Variants in BCAR3 observed in about 807,000 individuals in gnomAD.
BCAR3 encodes the protein breast cancer anti-estrogen resistance protein 3.
Under a neutral mutation model 80.1 loss-of-function variants are expected in BCAR3, and 37 were observed. The observed-to-expected ratio is 0.46, with a 90% CI of 0.36 to 0.61. The LOEUF (loss-of-function observed/expected upper bound fraction) is 0.61, where lower values mean the gene tolerates loss of function less well. Among genes scored for constraint, BCAR3 ranks in the 20% least tolerant of loss-of-function variants. The pLI, the probability that BCAR3 is intolerant of heterozygous loss-of-function variation, is 0.00. For missense variants in BCAR3, 978 were observed against 1,068.2 expected (o/e 0.92, Z 1.18); for synonymous variants, 389 against 418.9 (o/e 0.93, Z 0.87).
intron 2 of BCAR3, among the ~76,000 whole-genome samples, chr1:93,762,519 T>C (rs1368073656): frequency 6.6e-6 from 1 of 152,196 alleles, no homozygotes; most frequent in Non-Finnish European, 1.5e-5. Context: ...CATGTGCTGA[T>C]GGCCACACCT....
chr1:93,742,627 C>G (rs1205404222), intron 2 of BCAR3, among the ~76,000 whole-genome samples: 4 of 152,190 alleles, frequency 2.6e-5, no homozygotes, highest in Non-Finnish European at 5.9e-5. Context: ...CAGATTTCAT[C>G]CTTGTCATCT....
In BCAR3 at chr1:93,809,654, A is replaced by G. The variant is rs183673085; in HGVS notation, c.-63+35913T>C. Reference sequence around the variant, plus strand: ...GTGGCTGTGGGTGCCTGTAATCCCAACCACTCGGGAGGCTGAGGCAGGAGA... The same window carrying G: ...GTGGCTGTGGGTGCCTGTAATCCCAGCCACTCGGGAGGCTGAGGCAGGAGA... On this transcript the variant is annotated intron_variant, in intron 2 of 13. Coordinates refer to the BCAR3 transcript ENST00000370244. Among the ~76,000 whole-genome samples the G allele has an allele frequency of 2.6e-3, 389 of 151,694 alleles. 1 individual carries two copies. Among genetic ancestry groups the G allele is most frequent in the African/African-American group, 8.9e-3 (366 of 41,338 alleles).
intron 3 of BCAR3, among the ~76,000 whole-genome samples, chr1:93,629,372 T>A (rs1675539459): frequency 6.6e-6 from 1 of 152,242 alleles, no homozygotes; most frequent in Non-Finnish European, 1.5e-5. Flanking sequence ...AACTTCTTGG[T>A]TACCGGAGGT....
At chr1:93,672,138 C>A (rs903725179) in intron 2 of BCAR3, among the ~76,000 whole-genome samples, 3 of 152,170 alleles carry the variant, frequency 2.0e-5, no homozygotes, top group Non-Finnish European at 4.4e-5. Flanking sequence ...TCTTCCACAG[C>A]CTGGACTTCA....
chr1:93,782,882 G>C (rs1652811804), intron 2 of BCAR3, among the ~76,000 whole-genome samples: 1 of 152,192 alleles, frequency 6.6e-6, no homozygotes, highest in Non-Finnish European at 1.5e-5. Flanking sequence ...ATAAGCCACA[G>C]ACTGGGAGGA....
chr1:93,788,907 AAGTT>A (rs913739771), intron 2 of BCAR3, among the ~76,000 whole-genome samples: 2 of 152,180 alleles, frequency 1.3e-5, no homozygotes, highest in African/African-American at 2.4e-5. Context: ...CTTAGGCTAA[AAGTT>A]AGAGAATGTG....
At chr1:93,675,369 A>G (rs1339097370) in intron 1 of BCAR3, among the ~76,000 whole-genome samples, 2 of 152,270 alleles carry the variant, frequency 1.3e-5, no homozygotes, top group Admixed American at 6.5e-5. Flanking sequence ...GAAATTCTTT[A>G]GCTGCTAGAA....
Position 93,586,150 on chromosome 1 carries a change from A to G in BCAR3, c.930-2029T>C, listed in dbSNP as rs1165179026. Among the ~76,000 whole-genome samples the G allele has an allele frequency of 6.6e-6, 1 of 151,982 alleles. No individual in the cohort carries two copies. The highest frequency in any genetic ancestry group is 1.5e-5 in the Non-Finnish European group (1 of 67,986). On this transcript the variant is annotated intron_variant, in intron 5 of 11. Transcript: ENST00000260502. This position sits in a 1 kb window ranked among gnomAD's most constrained non-coding sequence, Gnocchi z 4.2. ...CAAATAAGTCTTATTCATTCTTTCT[A>G]AATTTTTTGTACCCATTAACCATCC...
chr1:93,625,012 C>T (rs938204648), intron 3 of BCAR3, among the ~76,000 whole-genome samples: 1 of 152,162 alleles, frequency 6.6e-6, no homozygotes, highest in African/African-American at 2.4e-5. Flanking sequence ...AGATCAAGAC[C>T]ATCCTCACTA....
chr1:93,816,031 A>G (rs900201029), intron 2 of BCAR3, among the ~76,000 whole-genome samples: 2 of 152,220 alleles, frequency 1.3e-5, no homozygotes, highest in African/African-American at 4.8e-5. Context: ...TGAAAGAACA[A>G]GAGGTACGTA....
chr1:93,828,927 A>T (rs1181708930), intron 2 of BCAR3, among the ~76,000 whole-genome samples: 1 of 152,124 alleles, frequency 6.6e-6, no homozygotes, highest in African/African-American at 2.4e-5. Flanking sequence ...CCTGGGCTCA[A>T]GTGATCCATC....
At chr1:93,696,905 G>A (rs1026841402) in intron 3 of BCAR3, among the ~76,000 whole-genome samples, 20 of 152,218 alleles carry the variant, frequency 1.3e-4, no homozygotes, top group Admixed American at 5.9e-4. Context: ...GGTAAATCCA[G>A]CTATTAGCTG....
intron 3 of BCAR3, among the ~76,000 whole-genome samples, chr1:93,619,889 C>G (rs1207931282): frequency 6.6e-6 from 1 of 152,258 alleles, no homozygotes; most frequent in Non-Finnish European, 1.5e-5. Flanking sequence ...GGGTTCTGGT[C>G]TTCACCACTA....
At chr1:93,637,260 C>A (rs1675815449) in intron 3 of BCAR3, among the ~76,000 whole-genome samples, 1 of 152,048 alleles carries the variant, frequency 6.6e-6, no homozygotes, top group South Asian at 2.1e-4. Context: ...ACCTCCGCCC[C>A]CCAGGTTCAA....
chr1:93,696,054 T>C lies in BCAR3; in HGVS notation c.-12+10038A>G, dbSNP rs558491615. ...CTACTGCTTCTCTCTTTTTTTTTTT[T>C]TCTTGAGACAGGATCTTGCTTTGTC... On this transcript the variant is annotated intron_variant, in intron 3 of 13. Transcript: ENST00000370244. Among the ~76,000 whole-genome samples, 4 of 152,102 alleles carry C rather than the reference T, an allele frequency of 2.6e-5. No homozygotes were observed. The East Asian group carries it at 5.8e-4, about 22-fold the overall frequency.
chr1:93,619,160 A>G (rs1253528928), intron 3 of BCAR3, among the ~76,000 whole-genome samples: 2 of 142,604 alleles, frequency 1.4e-5, no homozygotes, highest in Non-Finnish European at 3.0e-5. Context: ...GTTGGCCAGG[A>G]TGGGCTCGAT....
chr1:93,665,679 G>A (rs1032066242), intron 2 of BCAR3, among the ~76,000 whole-genome samples: 53 of 152,176 alleles, frequency 3.5e-4, no homozygotes, highest in African/African-American at 1.2e-3. Flanking sequence ...AGAGCTCCAG[G>A]CTCATAATTC....
chr1:93,778,016 C>T (rs1044204247), intron 2 of BCAR3, among the ~76,000 whole-genome samples: 1 of 152,198 alleles, frequency 6.6e-6, no homozygotes, highest in African/African-American at 2.4e-5. Flanking sequence ...CCATTTGTGG[C>T]CAGTGAGAGC....
At chr1:93,686,227 C>A (rs1648967432), upstream of BCAR3, among the ~76,000 whole-genome samples, 1 of 152,074 alleles carries the variant, frequency 6.6e-6, no homozygotes, top group African/African-American at 2.4e-5. Flanking sequence ...AAAGTTATTA[C>A]AAAGAAATAA....
Sources: allele counts gnomAD v4.1 joint callset (sites outside exome capture counted in the v4.1 genomes callset), GRCh38; gene constraint gnomAD v4.1.1; non-coding constraint Gnocchi (gnomAD v3.1); transcripts MANE v1.5; gene names NCBI Gene and HGNC (gene_info 2026-07-23, HGNC 2026-07-21).